Variants in ZNF469 observed in about 807,000 individuals in gnomAD.
ZNF469 encodes zinc finger protein 469.
Under a neutral mutation model 1.0 loss-of-function variants are expected in ZNF469, and 1 was observed. The observed-to-expected ratio is 1.00, with a 90% CI of 0.35 to 4.73. ZNF469 has a LOEUF of 4.73. Among genes scored for constraint, ZNF469 ranks in the 30% most tolerant of loss-of-function variants. The pLI is 0.16. For synonymous variants in ZNF469, 2,703 were observed against 2,363.4 expected, an observed-to-expected ratio of 1.14 and a Z score of -4.17; for missense variants, 6,100 against 5,356.3, an observed-to-expected ratio of 1.14 and a Z score of -4.33.
At chr16:88,109,433 C>T in the ZNF469 span, among the ~76,000 whole-genome samples, 36 of 152,236 alleles carry the variant, frequency 2.4e-4, no homozygotes, top group Admixed American at 1.8e-3. Context: ...CGGCAGCCTC[C>T]GATGTCACGT....
chr16:88,104,868 T>G, the ZNF469 span, among the ~76,000 whole-genome samples: 2 of 151,992 alleles, frequency 1.3e-5, no homozygotes, highest in African/African-American at 4.8e-5. Flanking sequence ...TCACTATCAG[T>G]GTGTGGACCT....
At chr16:88,276,031 C>A in the ZNF469 span, among the ~76,000 whole-genome samples, 1 of 152,206 alleles carries the variant, frequency 6.6e-6, no homozygotes. Flanking sequence ...CTTCCCCCAG[C>A]ATGATGCCGC....
At chr16:88,391,199 G>T (rs1223837738) in intron 1 of ZNF469, among the ~76,000 whole-genome samples, 1 of 152,246 alleles carries the variant, frequency 6.6e-6, no homozygotes, top group Non-Finnish European at 1.5e-5. Context: ...GATGTGGAGA[G>T]CACCTCAATG....
At position 88,430,373 on chromosome 16, in the gene ZNF469, G is replaced by A. The variant is rs1467119919; in HGVS notation, c.2903G>A (p.Gly968Glu). The change falls in exon 3 of 3, where the codon GGG becomes GAG. Residue 968 changes from glycine to glutamate, a missense_variant. Physicochemically the swap from Gly to Glu is moderately conservative, Grantham distance 98. Coordinates refer to ENST00000565624, the MANE Select transcript of ZNF469 (RefSeq NM_001367624.2). The stretch of plus-strand genomic sequence containing the variant: ...TCGGGCGGCGCAGCAGAGGGGTCGG[G>A]GTCGGGCGGCGGCGGCAGAGCCTCC... ...LDSGGAAEGS[G>E]SGGGGRASGL... 7.3e-6 allele frequency: 11 copies of A among 1,516,860 alleles called. No individual in the cohort carries two copies. In the South Asian group the frequency reaches 1.2e-4, roughly 17 times the overall value. 94.0% of individuals were successfully genotyped at this position (1,516,860 alleles called of 1,614,324 possible).
chr16:88,198,208 G>C, the ZNF469 span, among the ~76,000 whole-genome samples: 1 of 152,376 alleles, frequency 6.6e-6, no homozygotes, highest in South Asian at 2.1e-4. Context: ...ACAGAAGGAC[G>C]TATCCCACAT....
the ZNF469 span, among the ~76,000 whole-genome samples, chr16:88,148,317 A>G: frequency 2.0e-5 from 3 of 152,142 alleles, no homozygotes; most frequent in African/African-American, 4.8e-5. Context: ...TGTTCTGCAC[A>G]TGAATGCCCC....
the ZNF469 span, among the ~76,000 whole-genome samples, chr16:88,141,075 C>T: frequency 1.3e-5 from 2 of 152,198 alleles, no homozygotes; most frequent in African/African-American, 2.4e-5. Flanking sequence ...AATCCACCAT[C>T]TGGAAAAACA....
the ZNF469 span, among the ~76,000 whole-genome samples, chr16:88,185,849 GCA>G: frequency 2.3e-3 from 340 of 148,800 alleles, 5 homozygotes; most frequent in South Asian, 0.042. Context: ...ACTCACATTT[GCA>G]CAGTCACACG....
chr16:88,318,539 C>A, the ZNF469 span, among the ~76,000 whole-genome samples: 157 of 152,058 alleles, frequency 1.0e-3, no homozygotes, highest in African/African-American at 2.3e-3. Context: ...GACGCGGTGG[C>A]CCCTGCCTGC....
chr16:88,153,370 GA>G, the ZNF469 span, among the ~76,000 whole-genome samples: 1 of 152,242 alleles, frequency 6.6e-6, no homozygotes, highest in Non-Finnish European at 1.5e-5. Flanking sequence ...TGGTCTAGAA[GA>G]GTCTCCGTTG....
At chr16:88,117,768 G>A in the ZNF469 span, among the ~76,000 whole-genome samples, 10 of 152,212 alleles carry the variant, frequency 6.6e-5, no homozygotes, top group East Asian at 3.9e-4. Context: ...TTGGAGCCCC[G>A]GTCGTGTGCA....
chr16:88,301,983 A>C, the ZNF469 span, among the ~76,000 whole-genome samples: 1 of 152,148 alleles, frequency 6.6e-6, no homozygotes, highest in Non-Finnish European at 1.5e-5. Context: ...TGTGCTCACT[A>C]TAAAGACAGG....
At chr16:88,133,923 G>A in the ZNF469 span, among the ~76,000 whole-genome samples, 2 of 152,146 alleles carry the variant, frequency 1.3e-5, no homozygotes, top group African/African-American at 2.4e-5. Flanking sequence ...GTGAAACCCT[G>A]TCTCTACTAA....
At chr16:88,119,682 C>T in the ZNF469 span, among the ~76,000 whole-genome samples, 17 of 152,184 alleles carry the variant, frequency 1.1e-4, no homozygotes, top group Admixed American at 5.9e-4. Context: ...GGATGCTGGC[C>T]GGCCCAGCTC....
chr16:88,179,290 T>C, the ZNF469 span, among the ~76,000 whole-genome samples: 2 of 152,348 alleles, frequency 1.3e-5, no homozygotes, highest in East Asian at 1.9e-4. Context: ...CTGGCAGTCA[T>C]GAACGAGCCC....
At chr16:88,256,898 CTTTCTT>C in the ZNF469 span, among the ~76,000 whole-genome samples, 1 of 23,096 alleles carries the variant, frequency 4.3e-5, no homozygotes, top group Non-Finnish European at 9.2e-5. Flanking sequence ...TTCTTTCCTT[CTTTCTT>C]TCTTTCTTTC....
the ZNF469 span, among the ~76,000 whole-genome samples, chr16:88,278,322 C>T: frequency 5.5e-5 from 1 of 18,190 alleles, no homozygotes; most frequent in Non-Finnish European, 1.0e-4. Flanking sequence ...TATCAGTGCA[C>T]GGTTAGTGCT....
the ZNF469 span, among the ~76,000 whole-genome samples, chr16:88,293,195 T>C: frequency 6.6e-6 from 1 of 151,650 alleles, no homozygotes. Flanking sequence ...GATGGATGGA[T>C]GAATGGATGG....
the ZNF469 span, among the ~76,000 whole-genome samples, chr16:88,255,083 G>A: frequency 6.6e-6 from 1 of 152,184 alleles, no homozygotes; most frequent in Non-Finnish European, 1.5e-5. Flanking sequence ...GATATGGGCT[G>A]TGCTCTCAAA....
Sources: allele counts gnomAD v4.1 joint callset (sites outside exome capture counted in the v4.1 genomes callset), GRCh38; gene constraint gnomAD v4.1.1; transcripts MANE v1.5; gene names NCBI Gene and HGNC (gene_info 2026-07-23, HGNC 2026-07-21).